GRIA3: variants seen among roughly 807,000 people sequenced by gnomAD.
GRIA3 encodes glutamate receptor 3.
Under a neutral mutation model 63.0 loss-of-function variants are expected in GRIA3, and 3 were observed. The observed-to-expected ratio is 0.05, with a 90% CI of 0.02 to 0.12. The LOEUF is 0.12. GRIA3 is among the 10% of genes least tolerant of loss of function. The probability of loss-of-function intolerance (pLI) is 1.00; values close to 1 mark genes in which losing one functional copy is unlikely to be tolerated. For synonymous variants in GRIA3, 274 were observed against 257.9 expected (o/e 1.06, Z -0.60); for missense variants, 347 against 700.9 (o/e 0.50, Z 5.70).
chrX:123,389,262 T>C (rs747419758), intron 5 of GRIA3, among the ~76,000 whole-genome samples: 9 of 112,109 alleles, frequency 8.0e-5, no homozygotes, highest in African/African-American at 2.9e-4. Flanking sequence ...TTAAATTCAG[T>C]GTTTCTTTGT....
At position 123,345,138 on chromosome X, in the gene GRIA3, T is replaced by G. The variant is rs149886791; in HGVS notation, c.697-9772T>G. Among the ~76,000 whole-genome samples the G allele has an allele frequency of 5.4e-3, 601 of 111,327 alleles. 5 individuals are homozygous for G. Among genetic ancestry groups the G allele is most frequent in the African/African-American group, 0.019 (574 of 30,561 alleles). ...TAGTGCTATCTCTACCTCCAAGGCCTCTGTGGAGTCAAGTAAGAAAGCCTG... is the reference window on the plus strand; with the variant it reads ...TAGTGCTATCTCTACCTCCAAGGCCGCTGTGGAGTCAAGTAAGAAAGCCTG... On this transcript the variant is annotated intron_variant, in intron 4 of 15. Coordinates refer to ENST00000620443, the MANE Select transcript of GRIA3 (RefSeq NM_007325.5).
In GRIA3 at chrX:123,309,153, G is replaced by A. The variant is rs774234257; in HGVS notation, c.509-16873G>A. ...TAATCCCAACATTTTGGGAGGCTGA[G>A]GCAGGTGGATCACTTGAGGTCAGGA... On this transcript the variant is annotated intron_variant, in intron 3 of 15. Transcript: ENST00000620443. Among the ~76,000 whole-genome samples, 3 of 111,594 alleles carry A rather than the reference G, an allele frequency of 2.7e-5. No homozygotes were observed. In the East Asian group the frequency reaches 8.5e-4, roughly 32 times the overall value.
intron 4 of GRIA3, among the ~76,000 whole-genome samples, chrX:123,342,300 AATT>A (rs1351185646): frequency 8.9e-6 from 1 of 112,092 alleles, no homozygotes; most frequent in African/African-American, 3.2e-5. Context: ...ATCTGGGACT[AATT>A]ATAGCGATTC....
At chrX:123,287,258 C>G (rs186649706) in intron 3 of GRIA3, among the ~76,000 whole-genome samples, 7 of 111,663 alleles carry the variant, frequency 6.3e-5, no homozygotes, top group African/African-American at 2.3e-4. Flanking sequence ...ATTGAAGGAG[C>G]ATACATCGAA....
chrX:123,385,973 G>T (rs755591079), intron 5 of GRIA3, among the ~76,000 whole-genome samples: 39 of 111,923 alleles, frequency 3.5e-4, no homozygotes, highest in Non-Finnish European at 4.5e-4. Context: ...TGGATCATAT[G>T]GTAGTTCTAT....
intron 4 of GRIA3, among the ~76,000 whole-genome samples, chrX:123,332,786 C>T (rs1000537235): frequency 9.0e-6 from 1 of 111,653 alleles, no homozygotes; most frequent in Non-Finnish European, 1.9e-5. Flanking sequence ...TTTTCTTCCT[C>T]TTCTCCACAA....
intron 3 of GRIA3, among the ~76,000 whole-genome samples, chrX:123,308,952 G>A (rs1040507366): frequency 4.4e-5 from 5 of 112,407 alleles, no homozygotes; most frequent in Non-Finnish European, 9.4e-5. Context: ...TGCCTTTTGC[G>A]CTATTTACCT....
At chrX:123,292,708 A>C (rs1457058890) in intron 3 of GRIA3, among the ~76,000 whole-genome samples, 1 of 111,474 alleles carries the variant, frequency 9.0e-6, no homozygotes, top group East Asian at 2.8e-4. Context: ...TGTTTTTAGT[A>C]AAGTCAGAAT....
intron 11 of GRIA3, among the ~76,000 whole-genome samples, chrX:123,427,276 G>C (rs2045594435): frequency 8.9e-6 from 1 of 111,860 alleles, no homozygotes; most frequent in African/African-American, 3.2e-5. Flanking sequence ...TTACCTTGTA[G>C]CAGTGGTTTT....
At position 123,338,830 on chromosome X, in the gene GRIA3, G is replaced by A. The variant is rs770845955; in HGVS notation, c.696+12617G>A. ...CTCCCAAAGTGCTGGGATTACAGGC[G>A]TGAGCCACCATGCCTGGCCCCATCA... On this transcript the variant is annotated intron_variant, in intron 4 of 15. Transcript: ENST00000620443. Among the ~76,000 whole-genome samples, 5 of 112,328 alleles carry A rather than the reference G, an allele frequency of 4.5e-5. No homozygotes were observed. The East Asian group carries it at 8.4e-4, about 19-fold the overall frequency.
chrX:123,327,556 C>T (rs713282), intron 4 of GRIA3, among the ~76,000 whole-genome samples: 26,780 of 109,038 alleles, frequency 0.25, 2,627 homozygotes, highest in African/African-American at 0.34. Context: ...GTCAGATATG[C>T]CCCCATAAGA....
intron 3 of GRIA3, among the ~76,000 whole-genome samples, chrX:123,295,062 C>T (rs1219957675): frequency 1.8e-5 from 2 of 111,570 alleles, no homozygotes; most frequent in African/African-American, 6.5e-5. Flanking sequence ...TTAGAAGGCT[C>T]CCCTGATAAT....
chrX:123,352,451 G>C (rs748712320), intron 4 of GRIA3, among the ~76,000 whole-genome samples: 20 of 112,203 alleles, frequency 1.8e-4, no homozygotes, highest in South Asian at 7.4e-4. Flanking sequence ...CCAGATTATA[G>C]ATAAGGAAAT....
chrX:123,218,097 C>T lies in GRIA3; in HGVS notation c.268+32107C>T, dbSNP rs140234943. ...GTGCTTAAAAGTTTTTGAAACCTTA[C>T]ATTGTTCCAAAGATGCTAAATAAGA... On this transcript the variant is annotated intron_variant, in intron 2 of 15. Transcript: ENST00000620443. Among the ~76,000 whole-genome samples the T allele has an allele frequency of 5.8e-3, 652 of 112,579 alleles. 3 individuals are homozygous for T. The highest frequency in any genetic ancestry group is 0.018 in the Middle Eastern group (4 of 217).
chrX:123,208,148 A>T (rs1927942634), intron 2 of GRIA3, among the ~76,000 whole-genome samples: 1 of 112,826 alleles, frequency 8.9e-6, no homozygotes, highest in African/African-American at 3.2e-5. Context: ...GGCTAAGTAG[A>T]GAGGCAGTCA....
At chrX:123,433,564 A>C (rs1031244546) in intron 12 of GRIA3, among the ~76,000 whole-genome samples, 4 of 112,201 alleles carry the variant, frequency 3.6e-5, no homozygotes, top group African/African-American at 1.3e-4. Flanking sequence ...TCTTACCCCA[A>C]TGCCGGATGC....
rs201025601 is a variant in GRIA3 at position 123,319,500 on chromosome X, ACTTT to A, written c.509-6523_509-6520del. On this transcript the variant is annotated intron_variant, in intron 3 of 15. Coordinates refer to ENST00000620443, the MANE Select transcript of GRIA3 (RefSeq NM_007325.5). ...CTATACTTTTTCTTTTAATTTTTGT[ACTTT>A]CTGTGTTTTTCCAAATGTCCAAACT... Among the ~76,000 whole-genome samples the A allele has an allele frequency of 2.9e-3, 322 of 112,264 alleles. 1 individual carries two copies. Among genetic ancestry groups the A allele is most frequent in the Admixed American group, 0.02 (216 of 10,649 alleles).
chrX:123,247,610 G>A (rs1031548652), intron 2 of GRIA3, among the ~76,000 whole-genome samples: 4 of 111,852 alleles, frequency 3.6e-5, no homozygotes, highest in African/African-American at 1.3e-4. Flanking sequence ...AGGCACAGAG[G>A]CCCCAGGTAG....
intron 4 of GRIA3, among the ~76,000 whole-genome samples, chrX:123,338,585 C>T (rs1409162494): frequency 8.9e-6 from 1 of 112,245 alleles, no homozygotes; most frequent in Non-Finnish European, 1.9e-5. Context: ...GAGTCTTGCT[C>T]TGTAGCTCAG....
Sources: gnomAD v4.1 joint callset for allele counts (sites outside exome capture counted in the v4.1 genomes callset) on GRCh38, gnomAD v4.1.1 for gene constraint, MANE v1.5 for transcripts, NCBI Gene and HGNC (gene_info 2026-07-23, HGNC 2026-07-21) for gene names.